COL11A1: variants seen among roughly 807,000 people sequenced by gnomAD.
COL11A1 encodes the protein collagen alpha-1(XI) chain.
Under a neutral mutation model 265.2 loss-of-function variants are expected in COL11A1, and 74 were observed. The observed-to-expected ratio is 0.28, with a 90% CI of 0.23 to 0.34. The LOEUF is 0.34. Ranked by LOEUF, COL11A1 falls within the 10% of genes least tolerant of loss-of-function variation. The probability of loss-of-function intolerance (pLI) is 1.00; values close to 1 mark genes in which losing one functional copy is unlikely to be tolerated. For missense variants in COL11A1, 2,165 were observed against 2,263.6 expected (o/e 0.96, Z 0.88); for synonymous variants, 816 against 727.6 (o/e 1.12, Z -1.96).
chr1:103,011,622 G>A (rs531960142), intron 14 of COL11A1, among the ~76,000 whole-genome samples: 1 of 152,022 alleles, frequency 6.6e-6, no homozygotes, highest in South Asian at 2.1e-4. Context: ...GAATACAATA[G>A]TTTTGCTGCA....
chr1:103,005,455 T>C (rs1665508317), intron 18 of COL11A1, among the ~76,000 whole-genome samples: 2 of 152,138 alleles, frequency 1.3e-5, no homozygotes, highest in Admixed American at 1.3e-4. Flanking sequence ...ACAAACCACC[T>C]ACAGATGTCT....
intron 36 of COL11A1, among the ~76,000 whole-genome samples, chr1:102,970,787 G>C (rs1251692529): frequency 6.6e-6 from 1 of 152,020 alleles, no homozygotes; most frequent in Non-Finnish European, 1.5e-5. Context: ...AGGTCGAGGC[G>C]GGAGGATCAA....
At chr1:103,043,457 G>A (rs1437662547) in intron 4 of COL11A1, among the ~76,000 whole-genome samples, 2 of 151,930 alleles carry the variant, frequency 1.3e-5, no homozygotes, top group Non-Finnish European at 2.9e-5. Context: ...CATGAGAGCA[G>A]GGACTTTTCA....
chr1:102,889,254 T>C (rs1651416711), intron 59 of COL11A1, among the ~76,000 whole-genome samples: 1 of 152,290 alleles, frequency 6.6e-6, no homozygotes, highest in Admixed American at 6.6e-5. Context: ...GTAATTTTTA[T>C]GGTTTCTAAC....
intron 66 of COL11A1, among the ~76,000 whole-genome samples, chr1:102,878,939 CTA>C (rs1649890597): frequency 6.6e-6 from 1 of 152,128 alleles, no homozygotes; most frequent in Non-Finnish European, 1.5e-5. Context: ...ATTTCTTCTG[CTA>C]TATGTTAATT....
intron 1 of COL11A1, among the ~76,000 whole-genome samples, chr1:103,099,870 GTCACTAC>G (rs1674107995): frequency 6.6e-6 from 1 of 151,864 alleles, no homozygotes; most frequent in Non-Finnish European, 1.5e-5. Flanking sequence ...AAAAAGAGGA[GTCACTAC>G]TCATGTCACT....
chr1:103,006,101 T>TC lies in COL11A1; in HGVS notation c.1757dup (p.Gly587ArgfsTer17). 6.2e-7 allele frequency: 1 copy of TC among 1,613,930 alleles called. No homozygotes were observed. Among genetic ancestry groups the TC allele is most frequent in the Non-Finnish European group, 8.5e-7 (1 of 1,179,918 alleles). ...CAGGTTCTCCTGGCATTCCTCTTCC[T>TC]CCATCTGCACCTGGACGACCCTAAT... is the stretch of plus-strand genomic sequence containing the variant. On this transcript the variant is annotated frameshift_variant, in exon 17 of 67. Transcript: ENST00000370096. LOFTEE classifies it high-confidence loss of function.
chr1:103,079,018 G>A (rs1156761237), intron 2 of COL11A1, 147 bp from the exon 3 acceptor site: 2 of 640,052 alleles, frequency 3.1e-6, no homozygotes, highest in African/African-American at 3.7e-5. Flanking sequence ...ATAAATAGGG[G>A]TCCTCCATTA....
At chr1:102,937,304 T>G (rs1053869608) in intron 44 of COL11A1, among the ~76,000 whole-genome samples, 1 of 152,132 alleles carries the variant, frequency 6.6e-6, no homozygotes. Context: ...TAGCATTGCT[T>G]TTAAGGAGTA....
At chr1:102,943,989 C>G (rs1000230234) in intron 42 of COL11A1, among the ~76,000 whole-genome samples, 3 of 151,992 alleles carry the variant, frequency 2.0e-5, no homozygotes, top group African/African-American at 7.2e-5. Context: ...TTCTTCTTAC[C>G]TGCTTTCCAG....
intron 41 of COL11A1, among the ~76,000 whole-genome samples, chr1:102,960,820 C>T (rs1660835082): frequency 6.6e-6 from 1 of 151,916 alleles, no homozygotes. Flanking sequence ...GCTTGGTTTC[C>T]AAAGGCAGTG....
intron 1 of COL11A1, among the ~76,000 whole-genome samples, chr1:103,085,000 T>A (rs1672739348): frequency 6.6e-6 from 1 of 152,194 alleles, no homozygotes; most frequent in Non-Finnish European, 1.5e-5. Flanking sequence ...AATGAAATAA[T>A]TATTTATCCA....
intron 1 of COL11A1, among the ~76,000 whole-genome samples, chr1:103,083,712 AT>A (rs2102329276): frequency 6.6e-6 from 1 of 152,280 alleles, no homozygotes; most frequent in African/African-American, 2.4e-5. Flanking sequence ...TAATTTATCG[AT>A]TTTTATTATC....
intron 46 of COL11A1, among the ~76,000 whole-genome samples, chr1:102,927,982 G>A (rs191553164): frequency 1.3e-4 from 20 of 152,178 alleles, no homozygotes; most frequent in African/African-American, 4.8e-4. Context: ...GAAAGGAAGC[G>A]AAAGTGTCTC....
chr1:102,986,912 C>G (rs1663620664), intron 30 of COL11A1, among the ~76,000 whole-genome samples: 1 of 152,028 alleles, frequency 6.6e-6, no homozygotes, highest in Non-Finnish European at 1.5e-5. Context: ...AAATTAAAAT[C>G]TCTTGAAGTT....
intron 4 of COL11A1, among the ~76,000 whole-genome samples, chr1:103,034,872 C>A (rs566492613): frequency 6.6e-6 from 1 of 152,038 alleles, no homozygotes; most frequent in African/African-American, 2.4e-5. Flanking sequence ...TGTTATTTTT[C>A]TTTGTAGTTG....
chr1:103,091,422 C>T (rs765621078), intron 1 of COL11A1, among the ~76,000 whole-genome samples: 1 of 152,052 alleles, frequency 6.6e-6, no homozygotes, highest in Non-Finnish European at 1.5e-5. Context: ...TTCCTACCCT[C>T]AATAGAACCC....
chr1:102,914,456 T>C (rs766618354), intron 51 of COL11A1, 51 bp from the exon 52 acceptor site: 3 of 1,500,614 alleles, frequency 2.0e-6, no homozygotes, highest in Non-Finnish European at 2.7e-6. Flanking sequence ...TAAATTTTTA[T>C]AAAATTATGA....
At chr1:102,895,943 G>A (rs528179554) in intron 57 of COL11A1, among the ~76,000 whole-genome samples, 1 of 151,374 alleles carries the variant, frequency 6.6e-6, no homozygotes, top group South Asian at 2.1e-4. Flanking sequence ...GCATGAATGA[G>A]GTCAAATTTA....
Sources: allele counts gnomAD v4.1 joint callset (sites outside exome capture counted in the v4.1 genomes callset), GRCh38; gene constraint gnomAD v4.1.1; transcripts MANE v1.5; gene names NCBI Gene and HGNC (gene_info 2026-07-23, HGNC 2026-07-21).